The following DLG4 variants were observed in gnomAD, a reference collection of about 807,000 sequenced individuals.
DLG4 encodes discs large MAGUK scaffold protein 4, also known as disks large homolog 4.
DLG4 carries 7 observed loss-of-function variants against 93.8 expected under a neutral mutation model. That is an observed-to-expected ratio of 0.07 (90% confidence interval 0.04 to 0.14). The LOEUF (loss-of-function observed/expected upper bound fraction) is 0.14, where lower values mean the gene tolerates loss of function less well. Ranked by LOEUF, DLG4 falls within the 10% of genes least tolerant of loss-of-function variation. The probability of loss-of-function intolerance (pLI) is 1.00; values close to 1 mark genes in which losing one functional copy is unlikely to be tolerated. For synonymous variants in DLG4, 341 were observed against 387.6 expected, an observed-to-expected ratio of 0.88 and a Z score of 1.41; for missense variants, 545 against 992.9, an observed-to-expected ratio of 0.55 and a Z score of 6.06.
Position 7,191,427 on chromosome 17 carries a change from C to T in DLG4, c.1977-69G>A, listed in dbSNP as rs1042577580. Reference sequence around the variant, plus strand: ...GACCCTGCCTTTTATCTCCTCTATCCAGGAATGTTAAGTATTCTTCTATTT... The same window carrying T: ...GACCCTGCCTTTTATCTCCTCTATCTAGGAATGTTAAGTATTCTTCTATTT... On this transcript the variant is annotated intron_variant, in intron 18 of 19. Transcript: ENST00000399506. The surrounding 1 kb of genome is among the most constrained non-coding windows in gnomAD (Gnocchi z 6.6). 3.3e-6 allele frequency: 4 copies of T among 1,202,350 alleles called. No individual in the cohort carries two copies. The Admixed American group carries it at 7.2e-5, about 22-fold the overall frequency. 74.5% of individuals were successfully genotyped at this position (1,202,350 alleles called of 1,614,324 possible).
intron 2 of DLG4, among the ~76,000 whole-genome samples, chr17:7,206,452 C>T (rs1310431593): frequency 6.6e-6 from 1 of 152,020 alleles, no homozygotes; most frequent in African/African-American, 2.4e-5. Context: ...CCAACACTCT[C>T]TCCCTCCACC....
Position 7,217,233 on chromosome 17 carries a change from C to A in DLG4, c.-86G>T. On this transcript the variant is annotated 5_prime_UTR_variant, in exon 1 of 20. Transcript: ENST00000399506. Reference sequence around the variant, plus strand: ...TCCCCTCCGTGGGTTCTCACCCCTCCCCCCTCCGCACCCCACTTTTGCAGG... The same window carrying A: ...TCCCCTCCGTGGGTTCTCACCCCTCACCCCTCCGCACCCCACTTTTGCAGG... The A allele has an allele frequency of 8.0e-7, 1 of 1,257,828 alleles. No individual in the cohort carries two copies. Among genetic ancestry groups the A allele is most frequent in the Non-Finnish European group, 1.0e-6 (1 of 994,408 alleles). The allele number at this position is 1,257,828 out of a possible 1,614,324, so 77.9% of individuals were successfully genotyped here.
rs1365609508 is a variant in DLG4, at chr17:7,189,816, T to G, written c.*892A>C. ...GGCCACTAACCTCTCTGGCTTGGAG[T>G]GAAGAAGGATCTGACTCTGCTGCGC... On this transcript the variant is annotated 3_prime_UTR_variant, in exon 20 of 20. Coordinates refer to ENST00000399506, the MANE Select transcript of DLG4 (RefSeq NM_001321075.3). 6.6e-6 allele frequency: 1 copy of G among 152,430 alleles called. No individual in the cohort carries two copies. Among genetic ancestry groups the G allele is most frequent in the Admixed American group, 6.6e-5 (1 of 15,240 alleles). The allele number at this position is 152,430 out of a possible 1,614,324, so 9.4% of individuals were successfully genotyped here. A position where few individuals can be genotyped will look rare whatever the true frequency, so the allele number is the denominator to read the frequency against.
intron 2 of DLG4, chr17:7,205,013 A>G: frequency 1.0e-6 from 1 of 985,098 alleles, no homozygotes; most frequent in Non-Finnish European, 1.2e-6. Flanking sequence ...CAAACTCCTG[A>G]GCGCAGAAGG....
Position 7,208,052 on chromosome 17 carries a change from A to C in DLG4, c.96+122T>G. 2.3e-6 allele frequency: 3 copies of C among 1,289,572 alleles called. No homozygotes were observed. Among genetic ancestry groups the C allele is most frequent in the Non-Finnish European group, 2.0e-6 (2 of 1,011,084 alleles). 79.9% of individuals were successfully genotyped at this position (1,289,572 alleles called of 1,614,324 possible). On this transcript the variant is annotated intron_variant, in intron 2 of 19. Transcript: ENST00000399506. The surrounding 1 kb of genome is among the most constrained non-coding windows in gnomAD (Gnocchi z 5.4). ...CGAGGCTCCGAGGGCCGCACTGGGG[A>C]GGGGGCCACCAGGGTCTCCTACCTT...
Position 7,195,034 on chromosome 17 carries a change from G to A in DLG4, c.1302-539C>T, listed in dbSNP as rs142211132. ...ACACCGTCTCAAAAAAAAAAAAAAA[G>A]AAAAAGAAAAAGAAAAACAGAAAGC... On this transcript the variant is annotated intron_variant, in intron 11 of 19. Coordinates refer to ENST00000399506, the MANE Select transcript of DLG4 (RefSeq NM_001321075.3). This position sits in a 1 kb window ranked among gnomAD's most constrained non-coding sequence, Gnocchi z 4.3. Among the ~76,000 whole-genome samples, 1 of 133,566 alleles carries A rather than the reference G, an allele frequency of 7.5e-6. No individual in the cohort carries two copies. The highest frequency in any genetic ancestry group is 1.8e-5 in the Non-Finnish European group (1 of 56,236). The allele number at this position is 133,566 out of a possible 152,430, so 87.6% of individuals were successfully genotyped here.
chr17:7,205,068 T>C (rs560097692), intron 2 of DLG4: 9 of 985,400 alleles, frequency 9.1e-6, no homozygotes, highest in African/African-American at 3.5e-5. Context: ...CGCCCCACGT[T>C]AGCCAGGCCG....
rs567002220 is a variant in DLG4, at chr17:7,202,618, T to C, written c.787+285A>G. 1.9e-4 allele frequency: 98 copies of C among 518,182 alleles called. No individual in the cohort carries two copies. The South Asian group carries it at 3.2e-3, about 17-fold the overall frequency. The allele number at this position is 518,182 out of a possible 1,614,324, so 32.1% of individuals were successfully genotyped here. On this transcript the variant is annotated intron_variant, in intron 8 of 19. Transcript: ENST00000399506. Reference sequence around the variant, plus strand: ...TGAAATCTTTTATCTTTTCCTGTACTCTGGAAGAGCAGAAGAATTATCTAT... The same window carrying C: ...TGAAATCTTTTATCTTTTCCTGTACCCTGGAAGAGCAGAAGAATTATCTAT...
chr17:7,193,272 C>T lies in DLG4; in HGVS notation c.1694-155G>A, dbSNP rs1597442894. Among the ~76,000 whole-genome samples the T allele has an allele frequency of 4.6e-5, 7 of 152,216 alleles. No homozygotes were observed. The South Asian group carries it at 1.4e-3, about 32-fold the overall frequency. The stretch of plus-strand genomic sequence containing the variant: ...AGACTGCAGAGGGCCAGAACCGCTT[C>T]CCCTAGCACCCTCCAGGGCCTCCAA... On this transcript the variant is annotated intron_variant, in intron 16 of 19. Coordinates refer to ENST00000399506, the MANE Select transcript of DLG4 (RefSeq NM_001321075.3). This position sits in a 1 kb window ranked among gnomAD's most constrained non-coding sequence, Gnocchi z 6.7.
rs920566892 is a variant in DLG4, at chr17:7,188,217, G to A, written c.*2491C>T. ...TCGGTCCTGCATAGAAAATCCTGCA[G>A]GGCAATACGTGGCTACTGGTTGAAG... On this transcript the variant is annotated 3_prime_UTR_variant, in exon 20 of 20. Transcript: ENST00000399506. Among the ~76,000 whole-genome samples the A allele has an allele frequency of 1.3e-5, 2 of 152,134 alleles. No homozygotes were observed. The highest frequency in any genetic ancestry group is 2.9e-5 in the Non-Finnish European group (2 of 68,042).
upstream of DLG4, chr17:7,217,698 C>G: frequency 6.5e-7 from 1 of 1,531,554 alleles, no homozygotes; most frequent in South Asian, 1.2e-5. Flanking sequence ...GCAGAGTTAA[C>G]TCCTTCTGTG....
chr17:7,200,692 A>G (rs2070074579), intron 8 of DLG4, among the ~76,000 whole-genome samples: 1 of 151,140 alleles, frequency 6.6e-6, no homozygotes, highest in South Asian at 2.1e-4. Context: ...GATTGCAGGC[A>G]TGCACCACCA....
chr17:7,205,486 C>T (rs2736877), intron 2 of DLG4, among the ~76,000 whole-genome samples: 17,661 of 152,142 alleles, frequency 0.12, 1,163 homozygotes, highest in South Asian at 0.22. Flanking sequence ...AAGGATTCCC[C>T]AGTCTCCTTC....
intron 2 of DLG4, chr17:7,205,011 T>C (rs1180024048): frequency 8.1e-6 from 8 of 985,112 alleles, no homozygotes; most frequent in Non-Finnish European, 9.6e-6. Context: ...ACCAAACTCC[T>C]GAGCGCAGAA....
chr17:7,187,318 G>GGGGGGGGGGA lies in DLG4; in HGVS notation c.*3389_*3390insTCCCCCCCCC, dbSNP rs1555599148. Among the ~76,000 whole-genome samples, 1 of 68,554 alleles carries GGGGGGGGGGA rather than the reference G, an allele frequency of 1.5e-5. No homozygotes were observed. The highest frequency in any genetic ancestry group is 5.0e-5 in the Non-Finnish European group (1 of 19,824). The allele number at this position is 68,554 out of a possible 152,430, so 45.0% of individuals were successfully genotyped here. A position where few individuals can be genotyped will look rare whatever the true frequency, so the allele number is the denominator to read the frequency against. On this transcript the variant is annotated 3_prime_UTR_variant, in exon 20 of 20. Coordinates refer to ENST00000399506, the MANE Select transcript of DLG4 (RefSeq NM_001321075.3). ...ACTTTGGGAGGCCGAGGGGGGGGGG[G>GGGGGGGGGGA]GTGGATCACCCGAGGTCAGGAGTTC... is the stretch of plus-strand genomic sequence containing the variant.
chr17:7,189,443 C>T lies in DLG4; in HGVS notation c.*1265G>A, dbSNP rs113204173. ...GGCAGAGATCACAGTGAGCCGAGAT[C>T]GAGCCACTGCACTCCAGCCTGTGCG... On this transcript the variant is annotated 3_prime_UTR_variant, in exon 20 of 20. Coordinates refer to ENST00000399506, the MANE Select transcript of DLG4 (RefSeq NM_001321075.3). Among the ~76,000 whole-genome samples, 1,706 of 151,510 alleles carry T rather than the reference C, an allele frequency of 0.011. 36 individuals carry two copies. Among genetic ancestry groups the T allele is most frequent in the African/African-American group, 0.039 (1,610 of 41,264 alleles).
intron 17 of DLG4, 104 bp downstream of exon 17, chr17:7,192,841 G>A: frequency 7.7e-7 from 1 of 1,300,364 alleles, no homozygotes; most frequent in Non-Finnish European, 1.0e-6. Context: ...TGGAGACCCA[G>A]CAGGGAAAGA....
upstream of DLG4, chr17:7,219,276 C>T (rs916689216): frequency 1.8e-6 from 1 of 547,482 alleles, no homozygotes; most frequent in Admixed American, 5.2e-5. Flanking sequence ...CCTCTCAGGC[C>T]CGGGAGGAAT....
chr17:7,203,675 C>A lies in DLG4; in HGVS notation c.335+17G>T. ...CTCCAGGGACCAAGCAACCTAACCC[C>A]TGTCTCCTCTCCCCACCTGAGGCGG... On this transcript the variant is annotated intron_variant, in intron 5 of 19. Transcript: ENST00000399506. The surrounding 1 kb of genome is among the most constrained non-coding windows in gnomAD (Gnocchi z 7.2). The A allele has an allele frequency of 6.2e-7, 1 of 1,613,802 alleles. No individual in the cohort carries two copies. The highest frequency in any genetic ancestry group is 8.5e-7 in the Non-Finnish European group (1 of 1,179,772).
Sources: allele counts gnomAD v4.1 joint callset (sites outside exome capture counted in the v4.1 genomes callset), GRCh38; gene constraint gnomAD v4.1.1; non-coding constraint Gnocchi (gnomAD v3.1); transcripts MANE v1.5; gene names NCBI Gene and HGNC (gene_info 2026-07-23, HGNC 2026-07-21).